The following GABRA3 variants were observed in gnomAD, a reference collection of about 807,000 sequenced individuals.
GABRA3 encodes the protein gamma-aminobutyric acid type A receptor subunit alpha3.
A neutral mutation model predicts 30.1 loss-of-function variants in GABRA3; 10 were observed. The ratio of observed to expected loss-of-function variants is 0.33; its 90% CI spans 0.20 to 0.56. GABRA3 has a LOEUF of 0.56. Among genes scored for constraint, GABRA3 ranks in the 20% least tolerant of loss-of-function variants. The pLI is 0.89. For synonymous variants in GABRA3, 151 were observed against 146.8 expected (o/e 1.03, Z -0.21); for missense variants, 233 against 392.0 (o/e 0.59, Z 3.42).
chrX:152,345,595 C>G lies in GABRA3; in HGVS notation c.248G>C (p.Arg83Pro). 8.3e-7 allele frequency: 1 copy of G among 1,207,614 alleles called. No individual in the cohort carries two copies. The highest frequency in any genetic ancestry group is 2.2e-5 in the Admixed American group (1 of 45,233). The change falls in exon 3 of 10, where the codon CGA becomes CCA. Residue 83 changes from arginine to proline, a missense_variant. Arg to Pro is a moderately radical substitution (Grantham distance 103). Transcript: ENST00000370314. The stretch of plus-strand genomic sequence containing the variant: ...AAAGGACTGACCTCCAAGCCCAGGT[C>G]GCAGCCGGTTGTCATAGCCGTCCAG... ...RLLDGYDNRLRPGLGDAVTEV... is the reference protein window; with the variant it reads ...RLLDGYDNRLPPGLGDAVTEV...
At chrX:152,239,629 A>C (rs1938311973) in intron 5 of GABRA3, among the ~76,000 whole-genome samples, 2 of 91,113 alleles carry the variant, frequency 2.2e-5, no homozygotes, top group Admixed American at 2.5e-4. Context: ...GTGGGAGTCT[A>C]AGTCTCTTTG....
intron 5 of GABRA3, among the ~76,000 whole-genome samples, chrX:152,235,492 A>G (rs759216913): frequency 1.8e-4 from 20 of 111,214 alleles, no homozygotes; most frequent in Non-Finnish European, 3.2e-4. Flanking sequence ...AATCCTAAAG[A>G]CCCCAACAAA....
At chrX:152,320,903 G>T (rs768476379) in intron 3 of GABRA3, among the ~76,000 whole-genome samples, 1 of 111,422 alleles carries the variant, frequency 9.0e-6, no homozygotes, top group African/African-American at 3.3e-5. Flanking sequence ...TTCCTCCCCA[G>T]CCTCCAACTC....
At chrX:152,234,296 T>G (rs1282640767) in intron 5 of GABRA3, among the ~76,000 whole-genome samples, 4 of 111,234 alleles carry the variant, frequency 3.6e-5, no homozygotes, top group Admixed American at 9.6e-5. Flanking sequence ...TCTTGTCCTT[T>G]GCCCACTTTT....
At chrX:152,402,841 A>G (rs1387085792) in intron 1 of GABRA3, among the ~76,000 whole-genome samples, 2 of 112,234 alleles carry the variant, frequency 1.8e-5, no homozygotes, top group East Asian at 5.6e-4. Context: ...AACATTTACC[A>G]TAAAACATAA....
At chrX:152,304,781 G>T (rs1939694685) in intron 3 of GABRA3, among the ~76,000 whole-genome samples, 1 of 110,862 alleles carries the variant, frequency 9.0e-6, no homozygotes. Flanking sequence ...TCCTCAGACT[G>T]TTTTTTTGTT....
intron 1 of GABRA3, among the ~76,000 whole-genome samples, chrX:152,424,996 A>G (rs1930482413): frequency 1.0e-5 from 1 of 97,489 alleles, no homozygotes; most frequent in African/African-American, 3.8e-5. Context: ...GAAGTGGCAC[A>G]ATCATGGCTC....
intron 1 of GABRA3, among the ~76,000 whole-genome samples, chrX:152,391,762 A>G (rs765862327): frequency 8.9e-6 from 1 of 111,933 alleles, no homozygotes; most frequent in Non-Finnish European, 1.9e-5. Context: ...ACCAAGGTAT[A>G]ACATCAGACG....
At chrX:152,248,957 A>T (rs780585295) in intron 5 of GABRA3, among the ~76,000 whole-genome samples, 54 of 111,859 alleles carry the variant, frequency 4.8e-4, no homozygotes, top group Non-Finnish European at 8.9e-4. Flanking sequence ...GTCAATCAAA[A>T]CATAAATAAA....
chrX:152,277,896 T>G (rs1939117099), intron 4 of GABRA3, among the ~76,000 whole-genome samples: 1 of 111,543 alleles, frequency 9.0e-6, no homozygotes, highest in African/African-American at 3.3e-5. Flanking sequence ...GGCTCCCAGA[T>G]AAAGCCTGCA....
chrX:152,407,896 G>A (rs1052120611), intron 1 of GABRA3, among the ~76,000 whole-genome samples: 1 of 111,100 alleles, frequency 9.0e-6, no homozygotes, highest in South Asian at 3.8e-4. Flanking sequence ...GATGAGTCAG[G>A]AATAAAAGGA....
chrX:152,427,917 A>G (rs1054015716), intron 1 of GABRA3, among the ~76,000 whole-genome samples: 3 of 112,124 alleles, frequency 2.7e-5, no homozygotes, highest in African/African-American at 9.7e-5. Flanking sequence ...CACAACATCT[A>G]CAGCCAAATC....
chrX:152,274,630 T>C (rs974711600), intron 4 of GABRA3, among the ~76,000 whole-genome samples: 1 of 111,229 alleles, frequency 9.0e-6, no homozygotes, highest in African/African-American at 3.3e-5. Context: ...TGTTTACATA[T>C]GAAATCTTGT....
chrX:152,264,034 G>A (rs891607213), intron 4 of GABRA3, among the ~76,000 whole-genome samples: 1 of 111,417 alleles, frequency 9.0e-6, no homozygotes. Context: ...AAAAACAAAA[G>A]CGGAGGGATT....
intron 3 of GABRA3, among the ~76,000 whole-genome samples, chrX:152,291,426 T>A (rs780393237): frequency 1.8e-5 from 2 of 111,800 alleles, no homozygotes; most frequent in South Asian, 3.8e-4. Context: ...GATGATGGGG[T>A]CTTCTAAATA....
intron 3 of GABRA3, among the ~76,000 whole-genome samples, chrX:152,288,493 C>T (rs755527675): frequency 4.5e-5 from 5 of 112,207 alleles, no homozygotes; most frequent in Non-Finnish European, 3.8e-5. Context: ...GAGTTTAGTA[C>T]ATGTTAGCTA....
chrX:152,312,340 C>T (rs1274876862), intron 3 of GABRA3, among the ~76,000 whole-genome samples: 1 of 112,166 alleles, frequency 8.9e-6, no homozygotes, highest in Non-Finnish European at 1.9e-5. Context: ...TACACACCTA[C>T]AACCATGTGA....
In GABRA3 at chrX:152,340,041, G is replaced by A. The variant is rs1451149108; in HGVS notation, c.262+5540C>T. ...TTAATGAGATTATCTGTGTAGTTAA[G>A]TTTAAATCTACAACCTTGCTATTTG... On this transcript the variant is annotated intron_variant, in intron 3 of 9. Transcript: ENST00000370314. Among the ~76,000 whole-genome samples, 6 of 111,967 alleles carry A rather than the reference G, an allele frequency of 5.4e-5. No homozygotes were observed. In the East Asian group the frequency reaches 1.1e-3, roughly 21 times the overall value.
intron 3 of GABRA3, among the ~76,000 whole-genome samples, chrX:152,338,213 G>T (rs1603244130): frequency 1.8e-5 from 2 of 111,570 alleles, no homozygotes; most frequent in East Asian, 2.8e-4. Context: ...CAACTTTTGG[G>T]TAACAGCCAT....
Sources: gnomAD v4.1 joint callset for allele counts (sites outside exome capture counted in the v4.1 genomes callset) on GRCh38, gnomAD v4.1.1 for gene constraint, MANE v1.5 for transcripts, NCBI Gene and HGNC (gene_info 2026-07-23, HGNC 2026-07-21) for gene names.